Variants in KIF26B observed in about 807,000 individuals in gnomAD.
KIF26B encodes the protein kinesin family member 26B, also known as kinesin-like protein KIF26B.
In KIF26B, 63 loss-of-function variants were observed where a neutral mutation model predicts 151.2. The ratio of observed to expected loss-of-function variants is 0.42; its 90% CI spans 0.34 to 0.51. The LOEUF is 0.51. Among genes scored for constraint, KIF26B ranks in the 20% least tolerant of loss-of-function variants. The pLI is 0.07. For missense variants in KIF26B, 2,813 were observed against 2,913.6 expected (o/e 0.97, Z 0.79); for synonymous variants, 1,357 against 1,262.1 (o/e 1.08, Z -1.59).
Position 245,564,113 on chromosome 1 carries a change from T to C in KIF26B, c.1350+23163T>C. ...CAGTCAGGCTCCCACCGTCCCTTCC[T>C]ATCCCAAAATGTCACCTCCCCTGTG... On this transcript the variant is annotated intron_variant, in intron 5 of 14. Coordinates refer to ENST00000407071, the MANE Select transcript of KIF26B (RefSeq NM_018012.4). The surrounding 1 kb of genome is among the most constrained non-coding windows in gnomAD (Gnocchi z 4.6). 6.6e-6 allele frequency among the ~76,000 whole-genome samples: 1 copy of C among 152,160 alleles called. No individual in the cohort carries two copies.
intron 2 of KIF26B, among the ~76,000 whole-genome samples, chr1:245,237,949 C>T (rs1247590410): frequency 6.6e-6 from 1 of 151,814 alleles, no homozygotes; most frequent in Non-Finnish European, 1.5e-5. Flanking sequence ...TCACTTGAGC[C>T]CCGGAGGTCG....
chr1:245,352,543 C>T lies in KIF26B; in HGVS notation c.466-14291C>T, dbSNP rs746381992. Among the ~76,000 whole-genome samples the T allele has an allele frequency of 6.6e-6, 1 of 152,222 alleles. No homozygotes were observed. The highest frequency in any genetic ancestry group is 1.5e-5 in the Non-Finnish European group (1 of 68,032). ...CCTCGCCAAGTGCTGAGATTATAGG[C>T]GTGAACCACTGTGCCTGGCCCACCT... On this transcript the variant is annotated intron_variant, in intron 2 of 14. Transcript: ENST00000407071. The surrounding 1 kb of genome is among the most constrained non-coding windows in gnomAD (Gnocchi z 5.0).
chr1:245,670,706 C>T (rs1450516944), intron 10 of KIF26B, among the ~76,000 whole-genome samples: 1 of 152,002 alleles, frequency 6.6e-6, no homozygotes, highest in Non-Finnish European at 1.5e-5. Flanking sequence ...AAGAATGTAT[C>T]TTTCAATTTT....
At position 245,611,934 on chromosome 1, in the gene KIF26B, C is replaced by T; in HGVS notation, c.2056C>T (p.His686Tyr). Residue 686 changes from histidine to tyrosine, a missense_variant, in exon 9 of 15, where the codon CAC (histidine) becomes TAC (tyrosine). Physicochemically the swap from His to Tyr is moderately conservative, Grantham distance 83. Transcript: ENST00000407071. ...HRNSHVFFTL[H>Y]IYQYRMEKSG... ...CAACTCACACGTGTTCTTCACACTG[C>T]ACATCTACCAGTACCGGATGGAGAA... is the stretch of plus-strand genomic sequence containing the variant. 6.2e-7 allele frequency: 1 copy of T among 1,613,870 alleles called. No individual in the cohort carries two copies. The highest frequency in any genetic ancestry group is 8.5e-7 in the Non-Finnish European group (1 of 1,179,894).
intron 4 of KIF26B, among the ~76,000 whole-genome samples, chr1:245,518,453 AC>A (rs550891095): frequency 2.6e-4 from 39 of 152,340 alleles, no homozygotes; most frequent in Middle Eastern, 3.4e-3. Context: ...AGAAGGAAAA[AC>A]TATTCAGGAG....
At chr1:245,581,610 A>G (rs2043175336) in intron 5 of KIF26B, among the ~76,000 whole-genome samples, 1 of 152,204 alleles carries the variant, frequency 6.6e-6, no homozygotes, top group Non-Finnish European at 1.5e-5. Context: ...ATAAGAGTCT[A>G]CAACCACAGC....
intron 4 of KIF26B, among the ~76,000 whole-genome samples, chr1:245,424,347 C>G (rs1658572036): frequency 6.6e-6 from 1 of 152,116 alleles, no homozygotes; most frequent in African/African-American, 2.4e-5. Flanking sequence ...GGGGTTTCAT[C>G]ATGTTGCCCA....
intron 5 of KIF26B, among the ~76,000 whole-genome samples, chr1:245,567,125 T>C (rs140781079): frequency 6.6e-6 from 1 of 152,040 alleles, no homozygotes; most frequent in African/African-American, 2.4e-5. Context: ...GTGGCTCCTG[T>C]CTTAGGACAG....
At chr1:245,612,696 G>A (rs1163921459) in intron 9 of KIF26B, among the ~76,000 whole-genome samples, 1 of 152,136 alleles carries the variant, frequency 6.6e-6, no homozygotes, top group Non-Finnish European at 1.5e-5. Context: ...TCATTAGCTC[G>A]AGGCCACTGT....
intron 3 of KIF26B, among the ~76,000 whole-genome samples, chr1:245,396,474 A>G (rs146133896): frequency 2.2e-4 from 34 of 152,244 alleles, no homozygotes; most frequent in African/African-American, 7.5e-4. Flanking sequence ...TGTCTCTACT[A>G]AAAGTACAAA....
intron 10 of KIF26B, among the ~76,000 whole-genome samples, chr1:245,671,490 G>A (rs1192472416): frequency 6.6e-6 from 1 of 152,154 alleles, no homozygotes; most frequent in African/African-American, 2.4e-5. Flanking sequence ...GTAGGGAGTG[G>A]GGAGTTGTTA....
chr1:245,516,462 C>T lies in KIF26B; in HGVS notation c.1167-24305C>T, dbSNP rs746592730. On this transcript the variant is annotated intron_variant, in intron 4 of 14. Coordinates refer to ENST00000407071, the MANE Select transcript of KIF26B (RefSeq NM_018012.4). This position sits in a 1 kb window ranked among gnomAD's most constrained non-coding sequence, Gnocchi z 4.2. ...GGGCTGTATGTATTGATATCACATG[C>T]GTCTATATGAACGCCCCGCTGCAGC... Among the ~76,000 whole-genome samples, 6 of 152,138 alleles carry T rather than the reference C, an allele frequency of 3.9e-5. No individual in the cohort carries two copies. The highest frequency in any genetic ancestry group is 7.2e-5 in the African/African-American group (3 of 41,430).
In KIF26B at chr1:245,309,253, C is replaced by T. The variant is rs117094438; in HGVS notation, c.466-57581C>T. Among the ~76,000 whole-genome samples the T allele has an allele frequency of 2.9e-3, 434 of 152,162 alleles. 7 individuals are homozygous for T. The East Asian group carries it at 0.05, about 18-fold the overall frequency. The stretch of plus-strand genomic sequence containing the variant: ...ATTTTCTGTGTCAACTTGACTGGGC[C>T]GCGGGATGCCCAGATATTTGGTCAA... On this transcript the variant is annotated intron_variant, in intron 2 of 14. Coordinates refer to ENST00000407071, the MANE Select transcript of KIF26B (RefSeq NM_018012.4).
At chr1:245,668,444 C>T (rs1464528280) in intron 10 of KIF26B, among the ~76,000 whole-genome samples, 2 of 151,608 alleles carry the variant, frequency 1.3e-5, no homozygotes, top group East Asian at 3.8e-4. Flanking sequence ...TGGATAATTC[C>T]TCCACATCAT....
chr1:245,176,527 G>C (rs753791394), intron 2 of KIF26B, among the ~76,000 whole-genome samples: 2 of 152,140 alleles, frequency 1.3e-5, no homozygotes, highest in Non-Finnish European at 2.9e-5. Flanking sequence ...GCCTGGAGTT[G>C]GAGGGATGAA....
chr1:245,268,803 C>T (rs1670796623), intron 2 of KIF26B, among the ~76,000 whole-genome samples: 1 of 152,020 alleles, frequency 6.6e-6, no homozygotes, highest in Admixed American at 6.5e-5. Flanking sequence ...CTTTCTGAGC[C>T]AACATTAAGG....
intron 2 of KIF26B, among the ~76,000 whole-genome samples, chr1:245,203,837 A>G (rs1669348059): frequency 6.6e-6 from 1 of 152,080 alleles, no homozygotes; most frequent in Non-Finnish European, 1.5e-5. Context: ...AACTTCCTGT[A>G]TGTTTTGTGG....
intron 3 of KIF26B, among the ~76,000 whole-genome samples, chr1:245,374,806 T>G (rs1673234637): frequency 6.6e-6 from 1 of 152,182 alleles, no homozygotes; most frequent in Non-Finnish European, 1.5e-5. Context: ...GACACACATT[T>G]CTCAAGGCTA....
At chr1:245,700,316 G>A (rs2044752811) in intron 14 of KIF26B, among the ~76,000 whole-genome samples, 1 of 152,088 alleles carries the variant, frequency 6.6e-6, no homozygotes, top group Non-Finnish European at 1.5e-5. Context: ...GGTCCTCTTG[G>A]TGCTTACTAC....
Sources: allele counts gnomAD v4.1 joint callset (sites outside exome capture counted in the v4.1 genomes callset), GRCh38; gene constraint gnomAD v4.1.1; non-coding constraint Gnocchi (gnomAD v3.1); transcripts MANE v1.5; gene names NCBI Gene and HGNC (gene_info 2026-07-23, HGNC 2026-07-21).